GORASP2: variants seen among roughly 807,000 people sequenced by gnomAD.
The protein encoded by GORASP2 is golgi reassembly stacking protein 2.
In GORASP2, 22 loss-of-function variants were observed where a neutral mutation model predicts 45.7. That is an observed-to-expected ratio of 0.48 (90% CI 0.34 to 0.69). The LOEUF (loss-of-function observed/expected upper bound fraction) is 0.69. Among genes scored for constraint, GORASP2 ranks in the 30% least tolerant of loss-of-function variants. The pLI is 0.01. For missense variants in GORASP2, 491 were observed against 562.7 expected (o/e 0.87, Z 1.29); for synonymous variants, 221 against 215.6 (o/e 1.02, Z -0.22).
In GORASP2 at chr2:170,966,220, G is replaced by C; in HGVS notation, c.*90G>C. The C allele has an allele frequency of 3.2e-6, 3 of 926,030 alleles. No homozygotes were observed. The highest frequency in any genetic ancestry group is 3.5e-6 in the Non-Finnish European group (2 of 575,672). The allele number at this position is 926,030 out of a possible 1,614,324, so 57.4% of individuals were successfully genotyped here. A position where few individuals can be genotyped will look rare whatever the true frequency, so the allele number is the denominator to read the frequency against. On this transcript the variant is annotated 3_prime_UTR_variant, in exon 10 of 10. Transcript: ENST00000234160. ...ACTATCATTAATTTCATACTAGTTT[G>C]TACCGTATCTGTAGGCATCCTGTAA...
upstream of GORASP2, chr2:170,928,758 C>G (rs1703737923): frequency 1.3e-5 from 2 of 152,188 alleles, no homozygotes; most frequent in Admixed American, 1.3e-4. Flanking sequence ...ATAAAGGGAG[C>G]GTTTCCTTTT....
At chr2:170,933,514 T>G (rs952147522) in intron 1 of GORASP2, among the ~76,000 whole-genome samples, 2 of 152,174 alleles carry the variant, frequency 1.3e-5, no homozygotes, top group Non-Finnish European at 1.5e-5. Context: ...CGCTCAAAAT[T>G]GTGTTTCAAA....
At chr2:170,963,618 C>T (rs1415761439) in intron 9 of GORASP2, among the ~76,000 whole-genome samples, 2 of 151,726 alleles carry the variant, frequency 1.3e-5, no homozygotes, top group Non-Finnish European at 1.5e-5. Flanking sequence ...CACCCCTGCT[C>T]AGCTGGCTGG....
chr2:170,946,431 A>G (rs1302940922), intron 1 of GORASP2, among the ~76,000 whole-genome samples: 1 of 152,204 alleles, frequency 6.6e-6, no homozygotes, highest in Non-Finnish European at 1.5e-5. Context: ...ACTAGCTACT[A>G]ACATTTTACT....
At chr2:170,940,088 TAAA>T (rs1704038625) in intron 1 of GORASP2, among the ~76,000 whole-genome samples, 1 of 152,216 alleles carries the variant, frequency 6.6e-6, no homozygotes, top group African/African-American at 2.4e-5. Flanking sequence ...GGTGTAGTAA[TAAA>T]AAGGAGACAG....
chr2:170,964,591 T>C (rs1214426951), intron 9 of GORASP2, among the ~76,000 whole-genome samples: 5 of 152,064 alleles, frequency 3.3e-5, no homozygotes, highest in African/African-American at 9.7e-5. Context: ...AGGCGGAGGT[T>C]GTAGTGAGCT....
chr2:170,954,753 A>G lies in GORASP2; in HGVS notation c.670A>G (p.Ile224Val), dbSNP rs199823351. Residue 224 changes from isoleucine (I) to valine (V), a missense_variant, in exon 6 of 10, where the codon ATT becomes GTT. Ile to Val is a conservative substitution (Grantham distance 29, BLOSUM62 3). Transcript: ENST00000234160. ...SLPGQMAGTP[I>V]TPLKDGFTEV... Reference sequence around the variant, plus strand: ...TCCAGGACAAATGGCTGGTACACCTATTACACCTCTTAAAGATGGGTTTAC... The same window carrying G: ...TCCAGGACAAATGGCTGGTACACCTGTTACACCTCTTAAAGATGGGTTTAC... 1.9e-6 allele frequency: 3 copies of G among 1,613,828 alleles called. No individual in the cohort carries two copies. The highest frequency in any genetic ancestry group is 1.3e-5 in the African/African-American group (1 of 75,060).
chr2:170,964,339 T>C (rs1704639597), intron 9 of GORASP2, among the ~76,000 whole-genome samples: 1 of 152,194 alleles, frequency 6.6e-6, no homozygotes, highest in Admixed American at 6.5e-5. Flanking sequence ...CCTACTTAGT[T>C]TTCAGGCCAA....
At chr2:170,929,226 C>G, upstream of GORASP2, 1 of 792,220 alleles carries the variant, frequency 1.3e-6, no homozygotes, top group Non-Finnish European at 1.7e-6. Flanking sequence ...CGGCCCGGCT[C>G]TCCGGCGGCA....
At chr2:170,937,769 A>G (rs865860778) in intron 1 of GORASP2, among the ~76,000 whole-genome samples, 8 of 152,318 alleles carry the variant, frequency 5.3e-5, no homozygotes, top group Middle Eastern at 3.4e-3. Context: ...ACTTGAAGCC[A>G]GGAGTTTGAG....
In GORASP2 at chr2:170,936,224, C is replaced by CTTTT. The variant is rs3079542; in HGVS notation, c.63+6838_63+6841dup. On this transcript the variant is annotated intron_variant, in intron 1 of 9. Coordinates refer to ENST00000234160, the MANE Select transcript of GORASP2 (RefSeq NM_015530.5). ...GTTTGATATGTGCTTTTGAAACTGA[C>CTTTT]TTTTTTTTTTTTTTTTTTTTGAAGC... Among the ~76,000 whole-genome samples, 36 of 118,994 alleles carry CTTTT rather than the reference C, an allele frequency of 3.0e-4. 1 individual carries two copies. The highest frequency in any genetic ancestry group is 7.1e-4 in the East Asian group (3 of 4,228). The allele number at this position is 118,994 out of a possible 152,430, so 78.1% of individuals were successfully genotyped here. A position where few individuals can be genotyped will look rare whatever the true frequency, so the allele number is the denominator to read the frequency against.
rs73976223 is a variant in GORASP2, at chr2:170,933,086, A to G, written c.63+3683A>G. Reference sequence around the variant, plus strand: ...ATTTTCTAGGATTTCTGAAGTGATCATTAAATACTTGTATAGTCACCCAAA... The same window carrying G: ...ATTTTCTAGGATTTCTGAAGTGATCGTTAAATACTTGTATAGTCACCCAAA... On this transcript the variant is annotated intron_variant, in intron 1 of 9. Transcript: ENST00000234160. 3.1e-3 allele frequency among the ~76,000 whole-genome samples: 473 copies of G among 152,318 alleles called. 2 individuals are homozygous for G. Among genetic ancestry groups the G allele is most frequent in the African/African-American group, 0.011 (454 of 41,582 alleles).
intron 7 of GORASP2, among the ~76,000 whole-genome samples, chr2:170,958,587 A>G (rs961772905): frequency 6.6e-6 from 1 of 151,770 alleles, no homozygotes; most frequent in Non-Finnish European, 1.5e-5. Context: ...GTACTTCCCA[A>G]GGCAGCAGCC....
At chr2:170,947,634 A>G (rs980651234) in intron 1 of GORASP2, among the ~76,000 whole-genome samples, 4 of 152,146 alleles carry the variant, frequency 2.6e-5, no homozygotes, top group Non-Finnish European at 4.4e-5. Context: ...ATACGTGACT[A>G]TGTGCCTGTA....
At chr2:170,964,890 T>C (rs1382767983) in intron 9 of GORASP2, among the ~76,000 whole-genome samples, 1 of 134,782 alleles carries the variant, frequency 7.4e-6, no homozygotes, top group Non-Finnish European at 1.6e-5. Context: ...ATATGCATTT[T>C]AATTTTTTTT....
At chr2:170,940,259 C>G (rs577293400) in intron 1 of GORASP2, among the ~76,000 whole-genome samples, 59 of 152,196 alleles carry the variant, frequency 3.9e-4, no homozygotes, top group African/African-American at 1.2e-3. Flanking sequence ...CTGCAAGTTG[C>G]CTTGTGGTTT....
At chr2:170,936,547 A>G (rs746372459) in intron 1 of GORASP2, 19 of 853,366 alleles carry the variant, frequency 2.2e-5, no homozygotes, top group Non-Finnish European at 3.1e-5. Context: ...GAGACTGTAC[A>G]TTTCCCTGTT....
intron 7 of GORASP2, among the ~76,000 whole-genome samples, chr2:170,959,919 T>C (rs959349705): frequency 6.6e-6 from 1 of 151,464 alleles, no homozygotes; most frequent in Non-Finnish European, 1.5e-5. Flanking sequence ...CCTCCTGGGT[T>C]CAAGTGATTC....
At chr2:170,965,588 C>A (rs1165320499) in intron 9 of GORASP2, among the ~76,000 whole-genome samples, 1 of 152,206 alleles carries the variant, frequency 6.6e-6, no homozygotes, top group Non-Finnish European at 1.5e-5. Context: ...AAGTTGAGAA[C>A]CTATTCCTTC....
Sources: gnomAD v4.1 joint callset for allele counts (sites outside exome capture counted in the v4.1 genomes callset) on GRCh38, gnomAD v4.1.1 for gene constraint, MANE v1.5 for transcripts, NCBI Gene and HGNC (gene_info 2026-07-23, HGNC 2026-07-21) for gene names.